CAGE1: variants seen among roughly 807,000 people sequenced by gnomAD.
CAGE1 encodes cancer-associated gene 1 protein.
In CAGE1, 66 loss-of-function variants were observed where a neutral mutation model predicts 94.9. The observed-to-expected ratio is 0.70, with a 90% CI of 0.57 to 0.85. The LOEUF (loss-of-function observed/expected upper bound fraction) is 0.85. Ranked by LOEUF, CAGE1 falls within the 40% of genes least tolerant of loss-of-function variation. The probability of loss-of-function intolerance (pLI) is 0.00; values close to 1 mark genes in which losing one functional copy is unlikely to be tolerated. For synonymous variants in CAGE1, 319 were observed against 321.0 expected, an observed-to-expected ratio of 0.99 and a Z score of 0.07; for missense variants, 865 against 950.4, an observed-to-expected ratio of 0.91 and a Z score of 1.18.
At chr6:7,347,812 G>A (rs368163347) in intron 11 of CAGE1, among the ~76,000 whole-genome samples, 31 of 151,992 alleles carry the variant, frequency 2.0e-4, no homozygotes, top group African/African-American at 6.5e-4. Context: ...CCCACTTCCC[G>A]AACAACCTGC....
chr6:7,354,540 G>A (rs1581677451), intron 11 of CAGE1, among the ~76,000 whole-genome samples: 1 of 152,084 alleles, frequency 6.6e-6, no homozygotes, highest in East Asian at 1.9e-4. Flanking sequence ...TATGAAATTG[G>A]GGGAAGGATG....
intron 13 of CAGE1, among the ~76,000 whole-genome samples, chr6:7,328,203 T>C (rs1758600343): frequency 6.6e-6 from 1 of 152,190 alleles, no homozygotes; most frequent in South Asian, 2.1e-4. Flanking sequence ...AAGTCTAACA[T>C]TCACTCCTAT....
rs942446610 is a variant in CAGE1, at chr6:7,339,641, C to T, written c.2370-5551G>A. ...GCCTTTGTGTCCTCATAGCTTAGCT[C>T]CCACTTATGAGTGAGAACATATGAT... On this transcript the variant is annotated intron_variant, in intron 11 of 13. Transcript: ENST00000502583. The surrounding 1 kb of genome is among the most constrained non-coding windows in gnomAD (Gnocchi z 4.7). 2.8e-5 allele frequency: 18 copies of T among 633,282 alleles called. No homozygotes were observed. The Middle Eastern group carries it at 2.1e-3, about 74-fold the overall frequency. The allele number at this position is 633,282 out of a possible 1,614,324, so 39.2% of individuals were successfully genotyped here.
At chr6:7,366,160 T>G in intron 7 of CAGE1, among the ~76,000 whole-genome samples, 1 of 150,338 alleles carries the variant, frequency 6.7e-6, no homozygotes, top group East Asian at 2.0e-4. Flanking sequence ...GCAGGAGAAT[T>G]GCTTGAACCT....
intron 11 of CAGE1, among the ~76,000 whole-genome samples, chr6:7,343,134 G>A (rs781714670): frequency 2.7e-5 from 4 of 149,808 alleles, no homozygotes; most frequent in Admixed American, 6.7e-5. Context: ...GGTTGCAGTG[G>A]GCTGAGATGG....
At position 7,339,098 on chromosome 6, in the gene CAGE1, C is replaced by A; in HGVS notation, c.2370-5008G>T. On this transcript the variant is annotated intron_variant, in intron 11 of 13. Transcript: ENST00000502583. This position sits in a 1 kb window ranked among gnomAD's most constrained non-coding sequence, Gnocchi z 4.7. ...AGTTAACAGGGTCTCTGCTGTGGATCATCAGGCCGTCCACAAACTTCATGG... is the reference window on the plus strand; with the variant it reads ...AGTTAACAGGGTCTCTGCTGTGGATAATCAGGCCGTCCACAAACTTCATGG... 1.9e-6 allele frequency: 3 copies of A among 1,591,902 alleles called. No individual in the cohort carries two copies. Among genetic ancestry groups the A allele is most frequent in the Non-Finnish European group, 2.6e-6 (3 of 1,160,650 alleles).
chr6:7,345,997 G>T (rs981936912), intron 11 of CAGE1, among the ~76,000 whole-genome samples: 1 of 152,126 alleles, frequency 6.6e-6, no homozygotes, highest in Non-Finnish European at 1.5e-5. Context: ...TTAAATTTTA[G>T]CAGAATCAAT....
chr6:7,358,025 G>GAGATATAT lies in CAGE1; in HGVS notation c.2194-1904_2194-1897dup, dbSNP rs1196502425. The stretch of plus-strand genomic sequence containing the variant: ...GCCAGACTGCGGTTAGGTAAGTTTT[G>GAGATATAT]AGATATATATATATATATATATATA... On this transcript the variant is annotated intron_variant, in intron 9 of 13. Transcript: ENST00000502583. Among the ~76,000 whole-genome samples the GAGATATAT allele has an allele frequency of 3.9e-4, 8 of 20,298 alleles. No homozygotes were observed. In the East Asian group the frequency reaches 0.021, roughly 53 times the overall value. The allele number at this position is 20,298 out of a possible 152,430, so 13.3% of individuals were successfully genotyped here.
chr6:7,338,714 CTT>C, intron 11 of CAGE1: 1 of 653,746 alleles, frequency 1.5e-6, no homozygotes, highest in Non-Finnish European at 2.7e-6. Context: ...CCCTTCCACT[CTT>C]TCCCCCAAGT....
chr6:7,360,193 C>A lies in CAGE1; in HGVS notation c.2194-4064G>T, dbSNP rs76379474. The stretch of plus-strand genomic sequence containing the variant: ...CACCCTGACAATCCAGGATAATGTA[C>A]CCCTGAATCTCAAGGCCCTTGATTT... On this transcript the variant is annotated intron_variant, in intron 9 of 13. Transcript: ENST00000502583. Among the ~76,000 whole-genome samples, 66 of 152,298 alleles carry A rather than the reference C, an allele frequency of 4.3e-4. No homozygotes were observed. In the East Asian group the frequency reaches 0.011, roughly 24 times the overall value.
intron 9 of CAGE1, among the ~76,000 whole-genome samples, chr6:7,357,353 G>C (rs1759993157): frequency 6.6e-6 from 1 of 152,038 alleles, no homozygotes; most frequent in South Asian, 2.1e-4. Context: ...AAAATGTTAG[G>C]CTCTTTTCAT....
chr6:7,347,559 A>C (rs1413337816), intron 11 of CAGE1: 1 of 150,658 alleles, frequency 6.6e-6, no homozygotes, highest in Non-Finnish European at 1.5e-5. Context: ...TGAATTGAGC[A>C]AGAAGCCTCC....
chr6:7,365,406 C>G (rs1581686211), intron 9 of CAGE1, 62 bp downstream of exon 9: 1 of 1,361,168 alleles, frequency 7.3e-7, no homozygotes, highest in Admixed American at 2.1e-5. Context: ...ACTTCTTAAA[C>G]TTGCTAGTAA....
intron 13 of CAGE1, among the ~76,000 whole-genome samples, chr6:7,328,934 A>AT (rs869241612): frequency 0.017 from 1,768 of 106,738 alleles, 70 homozygotes; most frequent in African/African-American, 0.046. Flanking sequence ...ATATATATAT[A>AT]TTTTTTTTTT....
At position 7,378,673 on chromosome 6, in the gene CAGE1, T is replaced by C. The variant is rs1410224715; in HGVS notation, c.631A>G (p.Ser211Gly). The C allele has an allele frequency of 6.2e-7, 1 of 1,612,424 alleles. No homozygotes were observed. Among genetic ancestry groups the C allele is most frequent in the South Asian group, 1.1e-5 (1 of 90,512 alleles). ...LKFTEKSLAK[S>G]IAKESALNPS... Reference sequence around the variant, plus strand: ...TTGAGGGCAGATTCCTTGGCAATACTTTTAGCCAGTGACTTTTCTGTAAAT... The same window carrying C: ...TTGAGGGCAGATTCCTTGGCAATACCTTTAGCCAGTGACTTTTCTGTAAAT... Residue 211 changes from serine (S) to glycine (G), a missense_variant, in exon 4 of 14, where the codon AGT becomes GGT. Transcript: ENST00000502583.
chr6:7,333,579 T>C (rs1758826557), intron 12 of CAGE1, among the ~76,000 whole-genome samples: 1 of 138,966 alleles, frequency 7.2e-6, no homozygotes, highest in Non-Finnish European at 1.5e-5. Context: ...CTTGTTTACC[T>C]TAAATTGAGA....
intron 4 of CAGE1, among the ~76,000 whole-genome samples, chr6:7,376,495 C>T (rs1454199535): frequency 6.6e-6 from 1 of 152,102 alleles, no homozygotes; most frequent in South Asian, 2.1e-4. Context: ...TGCCCCTCCA[C>T]CTCCCACCAT....
At position 7,373,739 on chromosome 6, in the gene CAGE1, A is replaced by G. The variant is rs1165037590; in HGVS notation, c.1080T>C (p.Asn360=). 1 of 1,613,002 alleles carries G rather than the reference A, an allele frequency of 6.2e-7. No individual in the cohort carries two copies. The highest frequency in any genetic ancestry group is 2.2e-5 in the East Asian group (1 of 44,862). The change falls in exon 5 of 14, where the codon AAT becomes AAC. Residue 360 remains asparagine (N), a synonymous_variant. Coordinates refer to ENST00000502583, the MANE Select transcript of CAGE1 (RefSeq NM_001170692.2). The part of the protein sequence containing the change: ...FIDVINKLKE[N]VEELIEDKYK... The stretch of plus-strand genomic sequence containing the variant: ...ATTTGTCTTCAATTAATTCTTCAAC[A>G]TTCTCCTTTAGCTTATTGATGACAT...
At chr6:7,383,839 T>C (rs1761022322) in intron 3 of CAGE1, among the ~76,000 whole-genome samples, 1 of 152,192 alleles carries the variant, frequency 6.6e-6, no homozygotes, top group Non-Finnish European at 1.5e-5. Context: ...AATGGAAACT[T>C]ACACTTTTTG....
Sources: gnomAD v4.1 joint callset for allele counts (sites outside exome capture counted in the v4.1 genomes callset) on GRCh38, gnomAD v4.1.1 for gene constraint, Gnocchi (gnomAD v3.1) non-coding constraint, MANE v1.5 for transcripts, NCBI Gene and HGNC (gene_info 2026-07-23, HGNC 2026-07-21) for gene names.